ATF6: variants seen among roughly 807,000 people sequenced by gnomAD.
ATF6 encodes activating transcription factor 6, also known as cyclic AMP-dependent transcription factor ATF-6 alpha.
In ATF6, 53 loss-of-function variants were observed where a neutral mutation model predicts 83.6. That is an observed-to-expected ratio of 0.63 (90% CI 0.51 to 0.80). The LOEUF (loss-of-function observed/expected upper bound fraction) is 0.80, where lower values mean the gene tolerates loss of function less well. Ranked by LOEUF, ATF6 falls within the 30% of genes least tolerant of loss-of-function variation. The pLI, the probability that ATF6 is intolerant of heterozygous loss-of-function variation, is 0.00. For missense variants in ATF6, 744 were observed against 797.9 expected (o/e 0.93, Z 0.81); for synonymous variants, 288 against 285.8 (o/e 1.01, Z -0.08).
In ATF6 at chr1:161,958,657, C is replaced by G; in HGVS notation, c.*3C>G. On this transcript the variant is annotated 3_prime_UTR_variant, in exon 16 of 16. Transcript: ENST00000367942. ...CCATCCCTGAGTCATTACAATAGCA[C>G]CCTGCAGCTATGCTGGAAAACTGAG... 2 of 1,604,572 alleles carry G rather than the reference C, an allele frequency of 1.2e-6. No homozygotes were observed. Among genetic ancestry groups the G allele is most frequent in the Non-Finnish European group, 1.7e-6 (2 of 1,174,940 alleles).
intron 10 of ATF6, among the ~76,000 whole-genome samples, chr1:161,849,289 A>G (rs755123905): frequency 3.9e-5 from 6 of 152,146 alleles, no homozygotes; most frequent in Non-Finnish European, 8.8e-5. Context: ...TTTTATTCCA[A>G]ACAACTTAAA....
intron 15 of ATF6, among the ~76,000 whole-genome samples, chr1:161,921,404 G>A (rs1016902581): frequency 6.6e-6 from 1 of 152,074 alleles, no homozygotes; most frequent in Admixed American, 6.5e-5. Flanking sequence ...AAAATGAAGA[G>A]CGAAGATGAG....
intron 3 of ATF6, among the ~76,000 whole-genome samples, chr1:161,782,962 G>T (rs1223456960): frequency 6.6e-6 from 1 of 152,206 alleles, no homozygotes; most frequent in African/African-American, 2.4e-5. Flanking sequence ...GAGATTTGAA[G>T]ATTGTAGTAG....
intron 14 of ATF6, among the ~76,000 whole-genome samples, chr1:161,875,165 C>T (rs1687185972): frequency 6.6e-6 from 1 of 151,650 alleles, no homozygotes; most frequent in Non-Finnish European, 1.5e-5. Flanking sequence ...GAAGAAAATC[C>T]AGCCTCACAC....
chr1:161,919,965 A>T (rs1688171745), intron 15 of ATF6, among the ~76,000 whole-genome samples: 1 of 152,320 alleles, frequency 6.6e-6, no homozygotes, highest in Admixed American at 6.5e-5. Context: ...AAGAATATTC[A>T]TATAACTGCT....
At chr1:161,856,495 T>A (rs1475745334) in intron 12 of ATF6, among the ~76,000 whole-genome samples, 1 of 152,224 alleles carries the variant, frequency 6.6e-6, no homozygotes, top group Non-Finnish European at 1.5e-5. Context: ...CCTCTCTCCC[T>A]TCTGCTTTCC....
chr1:161,925,569 G>C (rs1247132819), intron 15 of ATF6, among the ~76,000 whole-genome samples: 1 of 152,020 alleles, frequency 6.6e-6, no homozygotes, highest in Non-Finnish European at 1.5e-5. Context: ...TCTTATTTTT[G>C]TAACATTCAT....
In ATF6 at chr1:161,858,915, G is replaced by A. The variant is rs944251315; in HGVS notation, c.1534-1292G>A. Among the ~76,000 whole-genome samples the A allele has an allele frequency of 2.0e-5, 3 of 152,220 alleles. No homozygotes were observed. In the East Asian group the frequency reaches 5.8e-4, roughly 29 times the overall value. The stretch of plus-strand genomic sequence containing the variant: ...TTTCTGAGACTAGGGAAATAAGTCT[G>A]GCTTCTTTCAAACTTCTTTGCTCAT... On this transcript the variant is annotated intron_variant, in intron 12 of 15. Coordinates refer to ENST00000367942, the MANE Select transcript of ATF6 (RefSeq NM_007348.4).
chr1:161,868,747 G>C (rs2101845596), intron 14 of ATF6, among the ~76,000 whole-genome samples: 1 of 150,100 alleles, frequency 6.7e-6, no homozygotes, highest in South Asian at 2.1e-4. Flanking sequence ...CCAGTAGAAA[G>C]TTTAGTTAAA....
At position 161,793,041 on chromosome 1, in the gene ATF6, T is replaced by C. The variant is rs140933012; in HGVS notation, c.688+714T>C. Among the ~76,000 whole-genome samples the C allele has an allele frequency of 2.0e-5, 3 of 152,330 alleles. No homozygotes were observed. The East Asian group carries it at 5.8e-4, about 29-fold the overall frequency. ...CAAGAAAACTTTTGCAGCATTCTTA[T>C]CTCTGGATTTAGTTTGTTGGCACCA... On this transcript the variant is annotated intron_variant, in intron 6 of 15. Coordinates refer to ENST00000367942, the MANE Select transcript of ATF6 (RefSeq NM_007348.4).
Position 161,872,197 on chromosome 1 carries a change from G to A in ATF6, c.1719+8885G>A, listed in dbSNP as rs138892358. Among the ~76,000 whole-genome samples the A allele has an allele frequency of 5.3e-3, 802 of 151,634 alleles. 3 individuals carry two copies. The highest frequency in any genetic ancestry group is 7.9e-3 in the Non-Finnish European group (532 of 67,570). On this transcript the variant is annotated intron_variant, in intron 14 of 15. Transcript: ENST00000367942. ...TCCAATAAGAAAGATTAAAAAGAAG[G>A]AAGAAAAAGTCCGCTGTAGAAATGA...
intron 14 of ATF6, 128 bp downstream of exon 14, chr1:161,863,440 G>C (rs1186705781): frequency 1.5e-6 from 1 of 658,190 alleles, no homozygotes; most frequent in Non-Finnish European, 2.7e-6. Context: ...AATTATGTGA[G>C]TGGAACAGTC....
rs1395803550 is a variant in ATF6 at position 161,819,613 on chromosome 1, T to C, written c.910-20T>C. On this transcript the variant is annotated intron_variant, in intron 7 of 15. Transcript: ENST00000367942. ...TGATTTTAAAACCAGGGTATTCTGA[T>C]TCATTATAACTTTTTCTAGATTGCT... 6.5e-7 allele frequency: 1 copy of C among 1,533,578 alleles called. No homozygotes were observed. Among genetic ancestry groups the C allele is most frequent in the Admixed American group, 2.2e-5 (1 of 45,864 alleles). The allele number at this position is 1,533,578 out of a possible 1,614,324, so 95.0% of individuals were successfully genotyped here. A position where few individuals can be genotyped will look rare whatever the true frequency, so the allele number is the denominator to read the frequency against.
chr1:161,774,406 TACACACACACAC>T (rs60069049), intron 1 of ATF6, among the ~76,000 whole-genome samples: 11 of 148,536 alleles, frequency 7.4e-5, no homozygotes, highest in South Asian at 2.1e-4. Context: ...TATGGATATG[TACACACACACAC>T]ACACACACAC....
At chr1:161,815,608 TGTTTATCAATCAATAAG>T (rs1263961145) in intron 7 of ATF6, among the ~76,000 whole-genome samples, 1 of 152,086 alleles carries the variant, frequency 6.6e-6, no homozygotes, top group Non-Finnish European at 1.5e-5. Context: ...TAACTTACAG[TGTTTATCAATCAATAAG>T]GTTTTTAGTT....
chr1:161,927,422 G>A (rs932586888), intron 15 of ATF6, among the ~76,000 whole-genome samples: 5 of 152,170 alleles, frequency 3.3e-5, no homozygotes, highest in African/African-American at 7.2e-5. Context: ...TCCTGCCTCA[G>A]CCTCTTAAAG....
In ATF6 at chr1:161,801,932, T is replaced by C. The variant is rs1277445905; in HGVS notation, c.689-120T>C. On this transcript the variant is annotated intron_variant, in intron 6 of 15. Coordinates refer to ENST00000367942, the MANE Select transcript of ATF6 (RefSeq NM_007348.4). ...ATTGATCCAATGTTTTAATTGATGG[T>C]GTCCAATCCCTTGGTGTTGATCTTA... The C allele has an allele frequency of 3.7e-6, 3 of 802,144 alleles. No individual in the cohort carries two copies. The African/African-American group carries it at 5.2e-5, about 14-fold the overall frequency. 49.7% of individuals were successfully genotyped at this position (802,144 alleles called of 1,614,324 possible).
chr1:161,843,006 C>A (rs149952803), intron 9 of ATF6, among the ~76,000 whole-genome samples: 1 of 152,268 alleles, frequency 6.6e-6, no homozygotes, highest in African/African-American at 2.4e-5. Context: ...TTGTATTTTC[C>A]AATGCGTTTA....
intron 1 of ATF6, 125 bp from the exon 2 acceptor site, chr1:161,778,119 A>C (rs1429581448): frequency 3.1e-6 from 2 of 636,220 alleles, no homozygotes; most frequent in Admixed American, 3.1e-5. Flanking sequence ...ACATTACTGG[A>C]GTTTATCAAT....
Sources: gnomAD v4.1 joint callset for allele counts (sites outside exome capture counted in the v4.1 genomes callset) on GRCh38, gnomAD v4.1.1 for gene constraint, MANE v1.5 for transcripts, NCBI Gene and HGNC (gene_info 2026-07-23, HGNC 2026-07-21) for gene names.